MMD2: variants seen among roughly 807,000 people sequenced by gnomAD.
MMD2 encodes the protein monocyte to macrophage differentiation associated 2.
Under a neutral mutation model 33.5 loss-of-function variants are expected in MMD2, and 30 were observed. The ratio of observed to expected loss-of-function variants is 0.90; its 90% CI spans 0.67 to 1.22. The LOEUF (loss-of-function observed/expected upper bound fraction) is 1.22, where lower values mean the gene tolerates loss of function less well. Among genes scored for constraint, MMD2 ranks in the 50% most tolerant of loss-of-function variants. The pLI is 0.00. For missense variants in MMD2, 364 were observed against 325.4 expected, an observed-to-expected ratio of 1.12 and a Z score of -0.91; for synonymous variants, 129 against 123.0, an observed-to-expected ratio of 1.05 and a Z score of -0.32.
At chr7:4,933,603 G>C (rs1371101283) in intron 1 of MMD2, among the ~76,000 whole-genome samples, 1 of 150,968 alleles carries the variant, frequency 6.6e-6, no homozygotes, top group African/African-American at 2.5e-5. Flanking sequence ...GGACATACCA[G>C]AGTTTGTTCA....
At chr7:4,910,569 G>C (rs996579865) in intron 5 of MMD2, among the ~76,000 whole-genome samples, 2 of 151,992 alleles carry the variant, frequency 1.3e-5, no homozygotes, top group Non-Finnish European at 2.9e-5. Context: ...CAGGTGGCAT[G>C]TGACCACCCC....
chr7:4,894,617 G>A, the MMD2 span, among the ~76,000 whole-genome samples: 16 of 151,940 alleles, frequency 1.1e-4, no homozygotes, highest in East Asian at 1.9e-4. The surrounding 1 kb of genome is among the most constrained non-coding windows in gnomAD (Gnocchi z 4.3). Context: ...GACTCCCTTC[G>A]TGGGCGGGAA....
chr7:4,957,987 T>G (rs1173531185), intron 1 of MMD2, among the ~76,000 whole-genome samples: 1 of 152,170 alleles, frequency 6.6e-6, no homozygotes, highest in East Asian at 1.9e-4. Context: ...CAAGCCACAC[T>G]GATGTGAGTA....
the MMD2 span, among the ~76,000 whole-genome samples, chr7:4,892,811 G>C: frequency 0.11 from 16,665 of 151,580 alleles, 1,213 homozygotes; most frequent in Middle Eastern, 0.19. Flanking sequence ...TGCCTCCTGG[G>C]TTCAAGCGAT....
the MMD2 span, among the ~76,000 whole-genome samples, chr7:4,896,049 T>C: frequency 1.1e-4 from 17 of 152,122 alleles, no homozygotes; most frequent in African/African-American, 3.6e-4. Context: ...TCCCCTCCTT[T>C]TGGGATCTGT....
At chr7:4,932,510 T>G (rs1785618011) in intron 1 of MMD2, among the ~76,000 whole-genome samples, 1 of 151,982 alleles carries the variant, frequency 6.6e-6, no homozygotes, top group Non-Finnish European at 1.5e-5. Flanking sequence ...ACCATCAAGG[T>G]GAATAACAGA....
In MMD2 at chr7:4,959,075, C is replaced by T. The variant is rs1364989954; in HGVS notation, c.-58G>A. The stretch of plus-strand genomic sequence containing the variant: ...TCAGAGCGCGGGTAGCTGGCAGAGC[C>T]TGGGGGGCGCGGCGGCGGCAGCAGC... On this transcript the variant is annotated 5_prime_UTR_variant, in exon 1 of 7. Transcript: ENST00000401401. 21 of 1,232,276 alleles carry T rather than the reference C, an allele frequency of 1.7e-5. No homozygotes were observed. Among genetic ancestry groups the T allele is most frequent in the Admixed American group, 8.6e-5 (2 of 23,390 alleles). 76.3% of individuals were successfully genotyped at this position (1,232,276 alleles called of 1,614,324 possible).
chr7:4,957,433 C>T (rs1403055678), intron 1 of MMD2, among the ~76,000 whole-genome samples: 6 of 150,918 alleles, frequency 4.0e-5, no homozygotes, highest in Middle Eastern at 3.4e-3. Context: ...GGGATCACGA[C>T]GTCAAGAGAT....
intron 1 of MMD2, among the ~76,000 whole-genome samples, chr7:4,941,834 G>T (rs980181884): frequency 3.4e-4 from 51 of 151,360 alleles, no homozygotes; most frequent in African/African-American, 1.2e-3. Flanking sequence ...GCACCAGGAA[G>T]GTTGCACCAC....
At chr7:4,904,392 C>T (rs1045372669), downstream of MMD2, among the ~76,000 whole-genome samples, 1 of 152,106 alleles carries the variant, frequency 6.6e-6, no homozygotes, top group African/African-American at 2.4e-5. Flanking sequence ...GAAATGGAAT[C>T]CTGGGAAAAT....
chr7:4,907,319 C>A lies in MMD2; in HGVS notation c.*77G>T. On this transcript the variant is annotated 3_prime_UTR_variant, in exon 7 of 7. Transcript: ENST00000401401. Reference sequence around the variant, plus strand: ...CCAATAAAGGGAAGACAGGCCTTGGCGCTGTGCTCTGGGTTAACGTTCACA... The same window carrying A: ...CCAATAAAGGGAAGACAGGCCTTGGAGCTGTGCTCTGGGTTAACGTTCACA... The A allele has an allele frequency of 1.4e-6, 2 of 1,426,346 alleles. No homozygotes were observed. The highest frequency in any genetic ancestry group is 1.2e-5 in the South Asian group (1 of 85,002). The allele number at this position is 1,426,346 out of a possible 1,614,324, so 88.4% of individuals were successfully genotyped here. A position where few individuals can be genotyped will look rare whatever the true frequency, so the allele number is the denominator to read the frequency against.
At chr7:4,913,595 A>C (rs1262679859) in intron 4 of MMD2, among the ~76,000 whole-genome samples, 1 of 151,956 alleles carries the variant, frequency 6.6e-6, no homozygotes, top group Non-Finnish European at 1.5e-5. Context: ...GCGGAAGCCT[A>C]TAATTCCAGC....
chr7:4,931,345 G>A (rs1397882721), intron 1 of MMD2, among the ~76,000 whole-genome samples: 1 of 151,058 alleles, frequency 6.6e-6, no homozygotes, highest in Non-Finnish European at 1.5e-5. Flanking sequence ...TAGAAGTGAG[G>A]TCTCACTATG....
downstream of MMD2, among the ~76,000 whole-genome samples, chr7:4,902,629 C>T (rs932727776): frequency 1.3e-5 from 2 of 152,018 alleles, no homozygotes; most frequent in Admixed American, 1.3e-4. Flanking sequence ...CTGCTGAATA[C>T]CACGCCTGTG....
chr7:4,915,894 C>A (rs755759288), intron 4 of MMD2, 111 bp downstream of exon 4: 355 of 1,076,850 alleles, frequency 3.3e-4, no homozygotes, highest in Non-Finnish European at 4.5e-4. Context: ...AAGCTTTTAA[C>A]CTAACTCCTT....
At chr7:4,913,770 T>TC (rs1315721941) in intron 4 of MMD2, among the ~76,000 whole-genome samples, 1 of 146,626 alleles carries the variant, frequency 6.8e-6, no homozygotes, top group Non-Finnish European at 1.5e-5. Flanking sequence ...CAAGCCATTC[T>TC]CCTGCCTTAG....
chr7:4,914,127 A>C (rs1785084827), intron 4 of MMD2, among the ~76,000 whole-genome samples: 1 of 152,206 alleles, frequency 6.6e-6, no homozygotes, highest in Non-Finnish European at 1.5e-5. Flanking sequence ...CTGGGAGCAC[A>C]GGCACATGCC....
At chr7:4,950,393 C>G (rs923758559) in intron 1 of MMD2, among the ~76,000 whole-genome samples, 2 of 152,148 alleles carry the variant, frequency 1.3e-5, no homozygotes. Context: ...CCACTGCACC[C>G]AGCCCCACAT....
chr7:4,929,182 C>T (rs1785509008), intron 1 of MMD2, among the ~76,000 whole-genome samples: 1 of 152,096 alleles, frequency 6.6e-6, no homozygotes, highest in African/African-American at 2.4e-5. Context: ...AGCTGGGACT[C>T]CATGGTCACG....
Sources: gnomAD v4.1 joint callset for allele counts (sites outside exome capture counted in the v4.1 genomes callset) on GRCh38, gnomAD v4.1.1 for gene constraint, Gnocchi (gnomAD v3.1) non-coding constraint, MANE v1.5 for transcripts, NCBI Gene and HGNC (gene_info 2026-07-23, HGNC 2026-07-21) for gene names.